SWI5: variants seen among roughly 807,000 people sequenced by gnomAD.
SWI5 encodes SWI5 homologous recombination repair protein.
In SWI5, 12 loss-of-function variants were observed where a neutral mutation model predicts 17.0. The ratio of observed to expected loss-of-function variants is 0.71; its 90% CI spans 0.45 to 1.14. The LOEUF is 1.14. Ranked by LOEUF, SWI5 falls within the 50% of genes most tolerant of loss-of-function variation. The pLI, the probability that SWI5 is intolerant of heterozygous loss-of-function variation, is 0.00. For missense variants in SWI5, 158 were observed against 162.2 expected (o/e 0.97, Z 0.14); for synonymous variants, 61 against 64.0 (o/e 0.95, Z 0.22).
chr9:128,278,996 C>T (rs1831487950), intron 2 of SWI5, among the ~76,000 whole-genome samples: 1 of 152,088 alleles, frequency 6.6e-6, no homozygotes, highest in South Asian at 2.1e-4. Context: ...GTCTCAAACT[C>T]CTGACCTCAG....
intron 4 of SWI5, among the ~76,000 whole-genome samples, chr9:128,286,963 T>C (rs375681042): frequency 6.6e-6 from 1 of 151,328 alleles, no homozygotes; most frequent in Non-Finnish European, 1.5e-5. Flanking sequence ...CTGACCAACA[T>C]GGAGAAACTG....
At chr9:128,275,498 T>C, upstream of SWI5, 3 of 1,300,674 alleles carry the variant, frequency 2.3e-6, no homozygotes, top group Non-Finnish European at 2.9e-6. Flanking sequence ...CGGCAGGAGG[T>C]GAGGGTCGAG....
intron 4 of SWI5, among the ~76,000 whole-genome samples, chr9:128,286,731 C>G (rs115255670): frequency 6.6e-6 from 1 of 152,004 alleles, no homozygotes; most frequent in African/African-American, 2.4e-5. Flanking sequence ...TTTCACTGGA[C>G]GATGGGCCCC....
chr9:128,283,805 G>C (rs1358930523), intron 2 of SWI5, among the ~76,000 whole-genome samples: 1 of 152,146 alleles, frequency 6.6e-6, no homozygotes, highest in African/African-American at 2.4e-5. Context: ...CCAGAGAAAG[G>C]CATGCCCTCT....
At chr9:128,287,697 G>A (rs1010005757) in intron 4 of SWI5, among the ~76,000 whole-genome samples, 35 of 151,576 alleles carry the variant, frequency 2.3e-4, no homozygotes, top group African/African-American at 7.7e-4. Flanking sequence ...GAGTAGCTGG[G>A]ACTGCAGGCA....
chr9:128,287,630 C>T (rs546059443), intron 4 of SWI5, among the ~76,000 whole-genome samples: 21 of 141,696 alleles, frequency 1.5e-4, no homozygotes, highest in African/African-American at 5.1e-4. Context: ...GGCGTGATCT[C>T]GGCTCCCTGC....
rs1831625118 is a variant in SWI5 at position 128,285,614 on chromosome 9, T to C, written c.234-325T>C. ...GACTGAGCTGCCTTTGAATGTGCAT[T>C]TCACACTTGAGGGAATCCACCTGGC... On this transcript the variant is annotated intron_variant, in intron 3 of 4. Transcript: ENST00000418976. This position sits in a 1 kb window ranked among gnomAD's most constrained non-coding sequence, Gnocchi z 4.8. Among the ~76,000 whole-genome samples the C allele has an allele frequency of 6.6e-6, 1 of 152,210 alleles. No individual in the cohort carries two copies. The highest frequency in any genetic ancestry group is 1.5e-5 in the Non-Finnish European group (1 of 68,030).
chr9:128,276,367 C>A, exon 1 of SWI5: 3 of 1,613,268 alleles, frequency 1.9e-6, no homozygotes, highest in Non-Finnish European at 2.5e-6. Flanking sequence ...CATTGAACCC[C>A]CTGATCCGGG....
At position 128,285,459 on chromosome 9, in the gene SWI5, C is replaced by T. The variant is rs1018427472; in HGVS notation, c.234-480C>T. ...CTCTTCCAGTCTCCGGAGCCATGTT[C>T]TCCACCTCTGCTTCCCTCTGCACAG... is the stretch of plus-strand genomic sequence containing the variant. On this transcript the variant is annotated intron_variant, in intron 3 of 4. Coordinates refer to ENST00000418976, the Ensembl canonical transcript of SWI5. The surrounding 1 kb of genome is among the most constrained non-coding windows in gnomAD (Gnocchi z 4.8). Among the ~76,000 whole-genome samples, 2 of 152,198 alleles carry T rather than the reference C, an allele frequency of 1.3e-5. No homozygotes were observed. The highest frequency in any genetic ancestry group is 2.9e-5 in the Non-Finnish European group (2 of 68,036).
intron 2 of SWI5, among the ~76,000 whole-genome samples, chr9:128,282,280 A>G (rs1831552373): frequency 6.6e-6 from 1 of 152,108 alleles, no homozygotes; most frequent in Non-Finnish European, 1.5e-5. Context: ...CCAGCTACTC[A>G]GGAGGCTGAG....
intron 4 of SWI5, among the ~76,000 whole-genome samples, chr9:128,286,848 T>C (rs756756058): frequency 6.6e-6 from 1 of 151,322 alleles, no homozygotes; most frequent in African/African-American, 2.4e-5. Context: ...AGCCTAGTGG[T>C]TAAGAACACA....
upstream of SWI5, chr9:128,276,133 A>G: frequency 1.9e-6 from 3 of 1,565,130 alleles, no homozygotes; most frequent in Non-Finnish European, 2.6e-6. Flanking sequence ...ATGAAGCGGA[A>G]GGGGGCGTGG....
chr9:128,277,589 T>C (rs1013198070), intron 2 of SWI5, among the ~76,000 whole-genome samples: 2 of 152,170 alleles, frequency 1.3e-5, no homozygotes, highest in African/African-American at 4.8e-5. Context: ...AAAGACTTGG[T>C]ATTTGTTCAT....
chr9:128,281,754 A>G (rs1831542996), intron 2 of SWI5, among the ~76,000 whole-genome samples: 1 of 152,260 alleles, frequency 6.6e-6, no homozygotes, highest in African/African-American at 2.4e-5. Flanking sequence ...TGAAATGCAT[A>G]ACTTGTCGGG....
At chr9:128,280,530 A>C (rs1831518045) in intron 2 of SWI5, among the ~76,000 whole-genome samples, 1 of 148,678 alleles carries the variant, frequency 6.7e-6, no homozygotes, top group South Asian at 2.1e-4. Flanking sequence ...AAAAAAAAAA[A>C]CAAGAGTCTC....
At chr9:128,278,608 T>G (rs1371373459) in intron 2 of SWI5, 1 of 469,454 alleles carries the variant, frequency 2.1e-6, no homozygotes, top group South Asian at 1.6e-5. Flanking sequence ...TCCCATCAGC[T>G]TACTTTACAT....
At chr9:128,276,121 A>C (rs201027633), upstream of SWI5, 3,461 of 1,567,612 alleles carry the variant, frequency 2.2e-3, 9 homozygotes, top group Non-Finnish European at 2.6e-3. Flanking sequence ...TCAATGAGAA[A>C]TATGAAGCGG....
At chr9:128,278,140 A>T (rs536922036) in intron 2 of SWI5, among the ~76,000 whole-genome samples, 2 of 151,916 alleles carry the variant, frequency 1.3e-5, no homozygotes, top group South Asian at 4.2e-4. Context: ...TTTTCAGTAG[A>T]GACAAATTTT....
At chr9:128,275,604 C>A, upstream of SWI5, 2 of 895,888 alleles carry the variant, frequency 2.2e-6, no homozygotes, top group Non-Finnish European at 3.2e-6. Context: ...GACGCCAGCC[C>A]AAAGAGCCCA....
Sources: gnomAD v4.1 joint callset for allele counts (sites outside exome capture counted in the v4.1 genomes callset) on GRCh38, gnomAD v4.1.1 for gene constraint, Gnocchi (gnomAD v3.1) non-coding constraint, MANE v1.5 for transcripts, NCBI Gene and HGNC (gene_info 2026-07-23, HGNC 2026-07-21) for gene names.